Variants in SGCD observed in about 807,000 individuals in gnomAD.
The protein encoded by SGCD is sarcoglycan delta, also known as delta-sarcoglycan.
In SGCD, 18 loss-of-function variants were observed where a neutral mutation model predicts 36.6. That is an observed-to-expected ratio of 0.49 (90% CI 0.34 to 0.73). SGCD has a LOEUF of 0.73. Among genes scored for constraint, SGCD ranks in the 30% least tolerant of loss-of-function variants. SGCD has a pLI of 0.01. For missense variants in SGCD, 387 were observed against 346.7 expected (o/e 1.12, Z -0.92); for synonymous variants, 133 against 130.6 (o/e 1.02, Z -0.12).
intron 1 of SGCD, among the ~76,000 whole-genome samples, chr5:156,107,660 G>A (rs1281131480): frequency 6.6e-6 from 1 of 151,896 alleles, no homozygotes; most frequent in Non-Finnish European, 1.5e-5. Context: ...CCCCTCCTAG[G>A]CAACTGAAAG....
At chr5:156,537,459 CCACACACACACACACACACACACA>C (rs769070218) in intron 4 of SGCD, among the ~76,000 whole-genome samples, 1 of 125,806 alleles carries the variant, frequency 7.9e-6, no homozygotes, top group African/African-American at 3.1e-5. Flanking sequence ...AAGGTAGCAG[CCACACACACACACACACACACACA>C]CACACACACA....
chr5:156,054,996 G>A (rs1038092204), intron 1 of SGCD, among the ~76,000 whole-genome samples: 4 of 146,176 alleles, frequency 2.7e-5, no homozygotes, highest in African/African-American at 9.8e-5. Context: ...AAAGGAAGCT[G>A]TTTTAAGCCC....
intron 3 of SGCD, among the ~76,000 whole-genome samples, chr5:156,496,939 T>G (rs542258516): frequency 6.6e-6 from 1 of 152,282 alleles, no homozygotes; most frequent in East Asian, 1.9e-4. Context: ...GTTACTGTAG[T>G]ATATCCCAAC....
intron 3 of SGCD, among the ~76,000 whole-genome samples, chr5:156,148,167 A>G (rs1045847796): frequency 2.0e-5 from 3 of 152,252 alleles, no homozygotes; most frequent in East Asian, 1.9e-4. Context: ...TGTGAACCAC[A>G]TAATGAACAA....
At chr5:155,948,097 G>A (rs1315334417) in intron 1 of SGCD, among the ~76,000 whole-genome samples, 1 of 152,242 alleles carries the variant, frequency 6.6e-6, no homozygotes, top group African/African-American at 2.4e-5. Flanking sequence ...CCAACATGGT[G>A]AAACCCTGTT....
At chr5:156,243,583 A>G (rs773108169) in intron 3 of SGCD, among the ~76,000 whole-genome samples, 4 of 152,210 alleles carry the variant, frequency 2.6e-5, no homozygotes, top group Admixed American at 1.3e-4. Flanking sequence ...AGGATTTCCT[A>G]TCTGTCTACT....
At chr5:156,406,219 G>A (rs1348124071) in intron 3 of SGCD, among the ~76,000 whole-genome samples, 1 of 152,058 alleles carries the variant, frequency 6.6e-6, no homozygotes. Context: ...ATTGTTGGTG[G>A]TGATGTCCTT....
chr5:156,222,223 T>C (rs1417852274), intron 3 of SGCD, among the ~76,000 whole-genome samples: 2 of 152,058 alleles, frequency 1.3e-5, no homozygotes, highest in African/African-American at 2.4e-5. Context: ...TAGAAGAAGT[T>C]CCCATGAGGG....
intron 7 of SGCD, among the ~76,000 whole-genome samples, chr5:156,723,246 C>T (rs1472638488): frequency 6.6e-6 from 1 of 152,188 alleles, no homozygotes; most frequent in Non-Finnish European, 1.5e-5. Flanking sequence ...CACCCTGCAT[C>T]CCACTGAACT....
At chr5:156,537,949 G>A (rs375072595) in intron 4 of SGCD, among the ~76,000 whole-genome samples, 1 of 152,088 alleles carries the variant, frequency 6.6e-6, no homozygotes, top group East Asian at 1.9e-4. Context: ...TCCTGTGAGG[G>A]TTAACTAAAC....
the SGCD span, among the ~76,000 whole-genome samples, chr5:155,728,271 G>GGCCGCTGCTGCCGCTGCGGCCGCTGCT: frequency 3.3e-5 from 5 of 152,062 alleles, no homozygotes; most frequent in African/African-American, 1.2e-4. Context: ...GGGAGGTGGC[G>GGCCGCTGCTGCCGCTGCGGCCGCTGCT]GCCGCTGCTG....
At chr5:155,992,026 T>C (rs1581031084) in intron 1 of SGCD, among the ~76,000 whole-genome samples, 1 of 152,362 alleles carries the variant, frequency 6.6e-6, no homozygotes, top group East Asian at 1.9e-4. Flanking sequence ...TCCCTTATGG[T>C]TGAATCTTCA....
At chr5:156,039,720 A>G (rs562842283) in intron 1 of SGCD, among the ~76,000 whole-genome samples, 43 of 152,294 alleles carry the variant, frequency 2.8e-4, no homozygotes, top group African/African-American at 9.4e-4. Context: ...AGGGTATCCA[A>G]TGAAGCTCCT....
intron 3 of SGCD, among the ~76,000 whole-genome samples, chr5:156,215,287 G>A (rs1289218138): frequency 6.6e-6 from 1 of 151,956 alleles, no homozygotes; most frequent in Non-Finnish European, 1.5e-5. Flanking sequence ...ATGATTTTTT[G>A]GGGTATTAGC....
chr5:156,607,830 T>C (rs147080546), intron 6 of SGCD, among the ~76,000 whole-genome samples: 2,482 of 152,304 alleles, frequency 0.016, 69 homozygotes, highest in African/African-American at 0.056. Flanking sequence ...AGTTTATTTG[T>C]GTAGAGGTGT....
chr5:155,884,418 G>A, intron 1 of SGCD, among the ~76,000 whole-genome samples: 1 of 152,162 alleles, frequency 6.6e-6, no homozygotes, highest in Non-Finnish European at 1.5e-5. Flanking sequence ...ACTTTCAGCA[G>A]TAAGTTTGGC....
chr5:156,598,723 A>G (rs1408659156), intron 6 of SGCD, among the ~76,000 whole-genome samples: 1 of 152,214 alleles, frequency 6.6e-6, no homozygotes. Context: ...TTGCAATGGC[A>G]TAGGATAATT....
chr5:156,201,939 A>C (rs1198170924), intron 3 of SGCD, among the ~76,000 whole-genome samples: 4 of 152,158 alleles, frequency 2.6e-5, no homozygotes, highest in Non-Finnish European at 5.9e-5. Context: ...ACAGGAGAGC[A>C]GCCATCTGAG....
the SGCD span, among the ~76,000 whole-genome samples, chr5:155,754,472 G>T: frequency 6.6e-6 from 1 of 152,178 alleles, no homozygotes; most frequent in African/African-American, 2.4e-5. Flanking sequence ...CAGGCACAAA[G>T]GGAGAAGGTC....
Sources: allele counts gnomAD v4.1 joint callset (sites outside exome capture counted in the v4.1 genomes callset), GRCh38; gene constraint gnomAD v4.1.1; transcripts MANE v1.5; gene names NCBI Gene and HGNC (gene_info 2026-07-23, HGNC 2026-07-21).